The following AADACL4 variants were observed in gnomAD, a reference collection of about 807,000 sequenced individuals.
AADACL4 encodes the protein arylacetamide deacetylase like 4, also known as arylacetamide deacetylase-like 4.
Under a neutral mutation model 14.1 loss-of-function variants are expected in AADACL4, and 9 were observed. The observed-to-expected ratio is 0.64, with a 90% CI of 0.39 to 1.12. AADACL4 has a LOEUF of 1.12. Ranked by LOEUF, AADACL4 falls within the 50% of genes most tolerant of loss-of-function variation. The pLI, the probability that AADACL4 is intolerant of heterozygous loss-of-function variation, is 0.01. For missense variants in AADACL4, 531 were observed against 516.1 expected (o/e 1.03, Z -0.28); for synonymous variants, 188 against 201.6 (o/e 0.93, Z 0.57).
chr1:12,646,878 G>T (rs1647114737), intron 1 of AADACL4, among the ~76,000 whole-genome samples: 1 of 152,140 alleles, frequency 6.6e-6, no homozygotes, highest in African/African-American at 2.4e-5. Flanking sequence ...AGGACATACA[G>T]TAGTGAATGT....
intron 2 of AADACL4, among the ~76,000 whole-genome samples, chr1:12,658,891 T>TC (rs138819116): frequency 0.057 from 8,607 of 152,240 alleles, 799 homozygotes; most frequent in African/African-American, 0.19. Flanking sequence ...AGTACTTGAC[T>TC]CCCCCACTAA....
intron 3 of AADACL4, among the ~76,000 whole-genome samples, chr1:12,664,277 G>A (rs919432808): frequency 8.5e-5 from 13 of 152,112 alleles, no homozygotes; most frequent in African/African-American, 3.1e-4. Flanking sequence ...AGTCTAAGGT[G>A]TTATTTTTCC....
chr1:12,654,123 A>G (rs1415491193), intron 2 of AADACL4, among the ~76,000 whole-genome samples: 1 of 152,202 alleles, frequency 6.6e-6, no homozygotes, highest in East Asian at 1.9e-4. Context: ...CATCCATAAG[A>G]TCTAATACCA....
chr1:12,659,778 G>A (rs1443425621), intron 2 of AADACL4, among the ~76,000 whole-genome samples: 1 of 152,122 alleles, frequency 6.6e-6, no homozygotes, highest in African/African-American at 2.4e-5. Flanking sequence ...GAGTAGCTGG[G>A]ACCACAGGCA....
chr1:12,666,903 C>G lies in AADACL4; in HGVS notation c.*168C>G. 1 of 635,508 alleles carries G rather than the reference C, an allele frequency of 1.6e-6. No homozygotes were observed. The highest frequency in any genetic ancestry group is 2.5e-6 in the Non-Finnish European group (1 of 394,916). The allele number at this position is 635,508 out of a possible 1,614,324, so 39.4% of individuals were successfully genotyped here. On this transcript the variant is annotated 3_prime_UTR_variant, in exon 4 of 4. Coordinates refer to ENST00000376221, the MANE Select transcript of AADACL4 (RefSeq NM_001013630.2). ...AGTCTTGCTTAGTATTCAAGAAAAT[C>G]CAAACTGTGTCTGTTTCCTTCCAGC...
At position 12,644,555 on chromosome 1, in the gene AADACL4, C is replaced by T. The variant is rs758286731; in HGVS notation, c.9C>T (p.Val3=). The T allele has an allele frequency of 5.0e-6, 8 of 1,613,800 alleles. No individual in the cohort carries two copies. The highest frequency in any genetic ancestry group is 1.3e-5 in the African/African-American group (1 of 74,914). Residue 3 remains valine (V), a synonymous_variant, in exon 1 of 4, where the codon GTC becomes GTT. Transcript: ENST00000376221. The part of the protein sequence containing the change: MA[V]PWLVLLLALP... ...CTCAAGGCCCCAGGAACATGGCTGT[C>T]CCCTGGCTAGTGCTACTCTTGGCAT...
chr1:12,654,963 C>T (rs1647172154), intron 2 of AADACL4, among the ~76,000 whole-genome samples: 1 of 152,106 alleles, frequency 6.6e-6, no homozygotes, highest in African/African-American at 2.4e-5. Context: ...GGGCTGTGGC[C>T]ACTGACTCTT....
chr1:12,647,037 C>T (rs747691464), intron 1 of AADACL4, among the ~76,000 whole-genome samples: 11 of 151,794 alleles, frequency 7.2e-5, no homozygotes, highest in Non-Finnish European at 1.2e-4. Flanking sequence ...CTCACTTACT[C>T]GTTTTGTGGA....
chr1:12,659,393 G>A (rs929831519), intron 2 of AADACL4, among the ~76,000 whole-genome samples: 5 of 152,192 alleles, frequency 3.3e-5, no homozygotes, highest in Non-Finnish European at 7.3e-5. Flanking sequence ...AGGAGGATCT[G>A]GCCCTTTGGA....
intron 1 of AADACL4, among the ~76,000 whole-genome samples, chr1:12,647,685 G>A (rs551508967): frequency 2.7e-5 from 4 of 147,130 alleles, no homozygotes; most frequent in Admixed American, 2.1e-4. Flanking sequence ...GACAGTCTCA[G>A]TCTCTTACCA....
At chr1:12,654,921 ACTGAATAAATACGAGTCTCG>A (rs1647171906) in intron 2 of AADACL4, among the ~76,000 whole-genome samples, 2 of 152,234 alleles carry the variant, frequency 1.3e-5, no homozygotes, top group South Asian at 2.1e-4. Context: ...ATTAATCTTT[ACTGAATAAATACGAGTCTCG>A]CTGGCTGGTC....
rs145069583 is a variant in AADACL4 at position 12,652,912 on chromosome 1, C to T, written c.385+1573C>T. On this transcript the variant is annotated intron_variant, in intron 2 of 3. Coordinates refer to ENST00000376221, the MANE Select transcript of AADACL4 (RefSeq NM_001013630.2). ...CTTTTCAGGGTTTTATCACCTTCTG[C>T]GGCTATTTCAACAATTTCCTTTTGC... 7.4e-4 allele frequency among the ~76,000 whole-genome samples: 113 copies of T among 152,332 alleles called. 1 individual carries two copies. The South Asian group carries it at 0.01, about 14-fold the overall frequency.
intron 1 of AADACL4, among the ~76,000 whole-genome samples, chr1:12,645,321 G>T (rs144574123): frequency 0.014 from 1,707 of 119,934 alleles, 27 homozygotes; most frequent in African/African-American, 0.051. Flanking sequence ...CTTTTGTTCC[G>T]TTCTTCCTTC....
chr1:12,654,805 G>A (rs939259047), intron 2 of AADACL4, among the ~76,000 whole-genome samples: 1 of 152,214 alleles, frequency 6.6e-6, no homozygotes, highest in Non-Finnish European at 1.5e-5. Flanking sequence ...GTTTACTCAC[G>A]TGGTCCTAAG....
At chr1:12,658,127 C>CTTTCTTTCTTTCTTTCTTTCTTT (rs1557550825) in intron 2 of AADACL4, among the ~76,000 whole-genome samples, 25 of 119,492 alleles carry the variant, frequency 2.1e-4, no homozygotes, top group African/African-American at 1.0e-3. Flanking sequence ...TTCCTTCCTT[C>CTTTCTTTCTTTCTTTCTTTCTTT]CTTCCTTCCT....
At position 12,666,826 on chromosome 1, in the gene AADACL4, A is replaced by C. The variant is rs759671143; in HGVS notation, c.*91A>C. ...GTGAGTTCTATTTTATTGACTAAAG[A>C]GGTGCTACATCAATGCTTGGGGCAG... On this transcript the variant is annotated 3_prime_UTR_variant, in exon 4 of 4. Transcript: ENST00000376221. 9.1e-6 allele frequency: 12 copies of C among 1,311,686 alleles called. No homozygotes were observed. Among genetic ancestry groups the C allele is most frequent in the Non-Finnish European group, 1.2e-5 (12 of 961,540 alleles). 81.3% of individuals were successfully genotyped at this position (1,311,686 alleles called of 1,614,324 possible). A position where few individuals can be genotyped will look rare whatever the true frequency, so the allele number is the denominator to read the frequency against.
intron 1 of AADACL4, among the ~76,000 whole-genome samples, chr1:12,650,046 A>G (rs986717997): frequency 3.3e-5 from 5 of 152,196 alleles, no homozygotes; most frequent in African/African-American, 1.2e-4. Context: ...AAGTTTAATC[A>G]AGTTAATGAT....
Position 12,644,683 on chromosome 1 carries a change from T to C in AADACL4, c.137T>C (p.Leu46Pro), listed in dbSNP as rs542458786. ...CAGCATCCTGCCAAGTTGAGATTCC[T>C]GCATTGCATATTCCTCTACCTGGTC... is the stretch of plus-strand genomic sequence containing the variant. Reference protein sequence around the residue: ...TLQHPAKLRFLHCIFLYLVTL... With the variant: ...TLQHPAKLRFPHCIFLYLVTL... The change falls in exon 1 of 4, where the codon CTG becomes CCG. Residue 46 changes from leucine (L) to proline (P), a missense_variant. Physicochemically the swap from Leu to Pro is moderately conservative, Grantham distance 98 (BLOSUM62 -3). Coordinates refer to ENST00000376221, the MANE Select transcript of AADACL4 (RefSeq NM_001013630.2). The C allele has an allele frequency of 2.5e-6, 4 of 1,614,146 alleles. No homozygotes were observed. The highest frequency in any genetic ancestry group is 2.2e-5 in the South Asian group (2 of 91,086).
At position 12,666,023 on chromosome 1, in the gene AADACL4, T is replaced by C; in HGVS notation, c.512T>C (p.Ile171Thr). 6.2e-7 allele frequency: 1 copy of C among 1,614,152 alleles called. No homozygotes were observed. ...ALFQDCMNASIHFLKALETYG... is the reference protein window; with the variant it reads ...ALFQDCMNASTHFLKALETYG... ...TTCCAAGACTGCATGAATGCCTCCA[T>C]TCACTTCCTGAAGGCCCTGGAAACC... The change falls in exon 4 of 4, where the codon ATT becomes ACT. Residue 171 changes from isoleucine (I) to threonine (T), a missense_variant. Physicochemically the swap from Ile to Thr is moderately conservative, Grantham distance 89. Transcript: ENST00000376221.
Sources: gnomAD v4.1 joint callset for allele counts (sites outside exome capture counted in the v4.1 genomes callset) on GRCh38, gnomAD v4.1.1 for gene constraint, MANE v1.5 for transcripts, NCBI Gene and HGNC (gene_info 2026-07-23, HGNC 2026-07-21) for gene names.